The following WWOX variants were observed in gnomAD, a reference collection of about 807,000 sequenced individuals.
WWOX encodes WW domain-containing oxidoreductase.
Under a neutral mutation model 46.2 loss-of-function variants are expected in WWOX, and 69 were observed. That is an observed-to-expected ratio of 1.49 (90% CI 1.23 to 1.82). The LOEUF (loss-of-function observed/expected upper bound fraction) is 1.82. Among genes scored for constraint, WWOX ranks in the 40% most tolerant of loss-of-function variants. The pLI is 0.00. For missense variants in WWOX, 919 were observed against 542.6 expected (o/e 1.69, Z -6.89); for synonymous variants, 359 against 202.6 (o/e 1.77, Z -6.56).
intron 8 of WWOX, among the ~76,000 whole-genome samples, chr16:79,017,759 C>G (rs981019127): frequency 1.3e-5 from 2 of 151,742 alleles, no homozygotes; most frequent in Non-Finnish European, 2.9e-5. Context: ...TTTGTCATGG[C>G]ACGTTTTGAT....
At chr16:78,692,860 G>A (rs1479215426) in intron 8 of WWOX, among the ~76,000 whole-genome samples, 1 of 152,174 alleles carries the variant, frequency 6.6e-6, no homozygotes, top group African/African-American at 2.4e-5. Flanking sequence ...TTGGTGAATA[G>A]GCCATGTTGT....
At chr16:78,382,026 A>G (rs915392591) in intron 5 of WWOX, among the ~76,000 whole-genome samples, 3 of 152,048 alleles carry the variant, frequency 2.0e-5, no homozygotes. Flanking sequence ...CCAGCCAGTT[A>G]TATTTTAGAT....
chr16:79,119,443 C>G (rs1238906768), intron 8 of WWOX, among the ~76,000 whole-genome samples: 2 of 152,220 alleles, frequency 1.3e-5, no homozygotes, highest in Admixed American at 1.3e-4. Context: ...TGTCCTCCCT[C>G]AAAATCGGAG....
At chr16:78,613,249 A>G (rs1292272811) in intron 8 of WWOX, among the ~76,000 whole-genome samples, 1 of 151,962 alleles carries the variant, frequency 6.6e-6, no homozygotes, top group East Asian at 1.9e-4. Context: ...CAACATCTCT[A>G]CCTTCTCCGG....
chr16:79,182,813 G>T (rs1279023503), intron 8 of WWOX, among the ~76,000 whole-genome samples: 1 of 152,180 alleles, frequency 6.6e-6, no homozygotes, highest in Non-Finnish European at 1.5e-5. Flanking sequence ...AACGAGCACT[G>T]TGTGTGTGTT....
At chr16:78,653,989 A>G (rs1246177120) in intron 8 of WWOX, among the ~76,000 whole-genome samples, 1 of 152,260 alleles carries the variant, frequency 6.6e-6, no homozygotes, top group African/African-American at 2.4e-5. Context: ...ATCCAGAGAA[A>G]TTAAGATCTG....
At chr16:79,036,045 C>T (rs546563284) in intron 8 of WWOX, among the ~76,000 whole-genome samples, 1 of 152,218 alleles carries the variant, frequency 6.6e-6, no homozygotes, top group Admixed American at 6.5e-5. Context: ...CACAGTCCAC[C>T]TCTGTGGTCT....
intron 8 of WWOX, among the ~76,000 whole-genome samples, chr16:78,684,978 G>A (rs1460658341): frequency 1.3e-5 from 2 of 152,118 alleles, no homozygotes; most frequent in African/African-American, 2.4e-5. Flanking sequence ...GCCTCTTTGG[G>A]GAGTGTTCTC....
chr16:78,163,228 C>G (rs921487569), intron 4 of WWOX, among the ~76,000 whole-genome samples: 2 of 152,282 alleles, frequency 1.3e-5, no homozygotes, highest in South Asian at 4.1e-4. Flanking sequence ...GTATCTTCCT[C>G]CAGAGAACAT....
chr16:78,896,244 A>G (rs1281127308), intron 8 of WWOX: 1 of 152,142 alleles, frequency 6.6e-6, no homozygotes, highest in East Asian at 1.9e-4. Flanking sequence ...AAAGTCACCA[A>G]GTTGTTTCCA....
At chr16:78,884,164 C>G (rs921601579) in intron 8 of WWOX, among the ~76,000 whole-genome samples, 17 of 149,246 alleles carry the variant, frequency 1.1e-4, no homozygotes, top group African/African-American at 4.2e-4. Flanking sequence ...CCTAGTTACT[C>G]GGGAGGCTGA....
At chr16:78,135,191 A>C (rs1597249600) in intron 4 of WWOX, among the ~76,000 whole-genome samples, 1 of 152,320 alleles carries the variant, frequency 6.6e-6, no homozygotes, top group South Asian at 2.1e-4. Context: ...CCCACGTGCA[A>C]CAACTCAAGA....
At position 78,550,352 on chromosome 16, in the gene WWOX, C is replaced by G. The variant is rs529592667; in HGVS notation, c.1056+117600C>G. Among the ~76,000 whole-genome samples, 3 of 152,294 alleles carry G rather than the reference C, an allele frequency of 2.0e-5. No individual in the cohort carries two copies. The East Asian group carries it at 5.8e-4, about 29-fold the overall frequency. On this transcript the variant is annotated intron_variant, in intron 8 of 8. Coordinates refer to ENST00000566780, the MANE Select transcript of WWOX (RefSeq NM_016373.4). ...GCCTACAAGGTACCTATCACAACTA[C>G]TAAGCTATCATGCATTAGTGAAAGC... is the stretch of plus-strand genomic sequence containing the variant.
At chr16:78,584,288 A>G (rs1177763195) in intron 8 of WWOX, among the ~76,000 whole-genome samples, 4 of 152,196 alleles carry the variant, frequency 2.6e-5, no homozygotes, top group Non-Finnish European at 4.4e-5. Flanking sequence ...ATTCCCAACC[A>G]TGGAGTCATG....
At chr16:79,169,973 G>T (rs978917584) in intron 8 of WWOX, among the ~76,000 whole-genome samples, 1 of 152,116 alleles carries the variant, frequency 6.6e-6, no homozygotes, top group African/African-American at 2.4e-5. Context: ...GACCAGGCTT[G>T]GGTGCTCTCC....
intron 8 of WWOX, among the ~76,000 whole-genome samples, chr16:78,734,291 C>A (rs1414405125): frequency 1.3e-5 from 2 of 151,880 alleles, no homozygotes; most frequent in African/African-American, 2.4e-5. Context: ...GAGTATTTTT[C>A]CCCCACATGC....
chr16:78,728,117 T>C (rs1259489414), intron 8 of WWOX, among the ~76,000 whole-genome samples: 3 of 134,356 alleles, frequency 2.2e-5, no homozygotes, highest in African/African-American at 5.7e-5. Context: ...CAAGCTGGAG[T>C]GCAGTGGCCC....
intron 8 of WWOX, among the ~76,000 whole-genome samples, chr16:78,704,920 GT>G (rs11374229): frequency 1.5e-3 from 221 of 144,346 alleles, no homozygotes; most frequent in Middle Eastern, 0.014. Context: ...AATACAACTT[GT>G]TTTTTTTTTT....
chr16:78,373,548 T>G (rs1322791116), intron 5 of WWOX, among the ~76,000 whole-genome samples: 3 of 152,178 alleles, frequency 2.0e-5, no homozygotes, highest in African/African-American at 7.2e-5. Context: ...GTCAACCTCT[T>G]TTTCCTATGC....
Sources: gnomAD v4.1 joint callset for allele counts (sites outside exome capture counted in the v4.1 genomes callset) on GRCh38, gnomAD v4.1.1 for gene constraint, MANE v1.5 for transcripts, NCBI Gene and HGNC (gene_info 2026-07-23, HGNC 2026-07-21) for gene names.